Variants in SPECC1 observed in about 807,000 individuals in gnomAD.
SPECC1 encodes cytospin-B.
A neutral mutation model predicts 104.1 loss-of-function variants in SPECC1; 62 were observed. That is an observed-to-expected ratio of 0.60 (90% CI 0.49 to 0.74). The LOEUF is 0.74. SPECC1 is among the 30% of genes least tolerant of loss of function. SPECC1 has a pLI of 0.00. For synonymous variants in SPECC1, 513 were observed against 501.6 expected, an observed-to-expected ratio of 1.02 and a Z score of -0.30; for missense variants, 1,306 against 1,310.5, an observed-to-expected ratio of 1.00 and a Z score of 0.05.
intron 4 of SPECC1, among the ~76,000 whole-genome samples, chr17:20,219,401 CTTGCAT>C (rs1315251920): frequency 6.6e-6 from 1 of 152,062 alleles, no homozygotes; most frequent in East Asian, 1.9e-4. Context: ...GTAGTTTTGA[CTTGCAT>C]TTGCATTTCT....
chr17:20,141,685 C>T (rs1222342510), intron 3 of SPECC1, among the ~76,000 whole-genome samples: 2 of 152,138 alleles, frequency 1.3e-5, no homozygotes, highest in African/African-American at 2.4e-5. Context: ...CAGAAATACC[C>T]CATGCTGCTG....
intron 3 of SPECC1, among the ~76,000 whole-genome samples, chr17:20,202,344 A>C (rs972916178): frequency 2.6e-5 from 4 of 152,030 alleles, no homozygotes; most frequent in African/African-American, 9.7e-5. Flanking sequence ...GAGATTCTTG[A>C]GTATGTTTTG....
At chr17:20,268,081 C>T (rs1279531342) in intron 12 of SPECC1, among the ~76,000 whole-genome samples, 2 of 152,168 alleles carry the variant, frequency 1.3e-5, no homozygotes, top group African/African-American at 2.4e-5. Flanking sequence ...TTTACTGTTA[C>T]TTGAATTCCT....
At chr17:20,083,144 A>C (rs535682323) in intron 1 of SPECC1, among the ~76,000 whole-genome samples, 1 of 152,330 alleles carries the variant, frequency 6.6e-6, no homozygotes, top group African/African-American at 2.4e-5. Context: ...TCATCAAACA[A>C]AATTTCTGAA....
At chr17:20,041,620 C>CTTTTTTTTTTTTT (rs35255510) in intron 1 of SPECC1, among the ~76,000 whole-genome samples, 2 of 51,150 alleles carry the variant, frequency 3.9e-5, no homozygotes, top group Admixed American at 3.5e-4. Flanking sequence ...TTTGTTGAGG[C>CTTTTTTTTTTTTT]TTTTTTTTTT....
At position 20,156,560 on chromosome 17, in the gene SPECC1, C is replaced by T. The variant is rs1336838874; in HGVS notation, c.283+45998C>T. On this transcript the variant is annotated intron_variant, in intron 3 of 14. Transcript: ENST00000395527. The stretch of plus-strand genomic sequence containing the variant: ...AGGTCTCCTGAGCGCGCAGGCCGCC[C>T]TCGGACTTTCCGGGCGTTTGCGGGG... 2.0e-5 allele frequency among the ~76,000 whole-genome samples: 3 copies of T among 152,152 alleles called. No individual in the cohort carries two copies. In the East Asian group the frequency reaches 5.8e-4, roughly 29 times the overall value.
intron 7 of SPECC1, among the ~76,000 whole-genome samples, chr17:20,243,714 AG>A (rs1567978357): frequency 6.6e-6 from 1 of 152,200 alleles, no homozygotes; most frequent in Non-Finnish European, 1.5e-5. Context: ...CTGAAGCCTG[AG>A]GTAATTGATT....
chr17:20,121,790 G>C (rs973057001), intron 3 of SPECC1, among the ~76,000 whole-genome samples: 2 of 152,190 alleles, frequency 1.3e-5, no homozygotes, highest in African/African-American at 4.8e-5. Context: ...CCCCCAGAAG[G>C]CTGTCAAGGA....
intron 3 of SPECC1, among the ~76,000 whole-genome samples, chr17:20,146,045 G>A (rs1170814791): frequency 6.6e-6 from 1 of 152,170 alleles, no homozygotes; most frequent in Non-Finnish European, 1.5e-5. Flanking sequence ...TACATTTCTT[G>A]GAATTGATGA....
chr17:20,030,811 C>A (rs973789121), intron 1 of SPECC1, among the ~76,000 whole-genome samples: 1 of 152,084 alleles, frequency 6.6e-6, no homozygotes, highest in South Asian at 2.1e-4. Context: ...GTCTTTATTT[C>A]ACCTTCATTT....
intron 1 of SPECC1, among the ~76,000 whole-genome samples, chr17:20,058,751 T>C (rs555864051): frequency 1.3e-5 from 2 of 152,228 alleles, no homozygotes; most frequent in Non-Finnish European, 2.9e-5. Flanking sequence ...GGACTGGTTT[T>C]GTGGGAGAAT....
At chr17:20,071,168 A>G (rs1404650333) in intron 1 of SPECC1, among the ~76,000 whole-genome samples, 2 of 152,148 alleles carry the variant, frequency 1.3e-5, no homozygotes, top group Non-Finnish European at 2.9e-5. Flanking sequence ...AGTAGCTGAG[A>G]CTACAAGCTC....
At chr17:20,026,784 C>A (rs2044617226) in intron 1 of SPECC1, among the ~76,000 whole-genome samples, 2 of 152,118 alleles carry the variant, frequency 1.3e-5, no homozygotes, top group African/African-American at 4.8e-5. Flanking sequence ...GACTTCTTTC[C>A]TTTGGATAAA....
At chr17:20,223,108 CT>C (rs1292611301) in intron 4 of SPECC1, among the ~76,000 whole-genome samples, 2 of 152,034 alleles carry the variant, frequency 1.3e-5, no homozygotes, top group Non-Finnish European at 1.5e-5. Context: ...GTTGTTATCC[CT>C]TTGAATAAAC....
intron 13 of SPECC1, among the ~76,000 whole-genome samples, chr17:20,297,432 T>G (rs2041391373): frequency 6.6e-6 from 1 of 152,250 alleles, no homozygotes; most frequent in African/African-American, 2.4e-5. Flanking sequence ...GTTAACACAT[T>G]AAAGACTTCA....
At chr17:20,291,422 T>C (rs1260594894) in intron 12 of SPECC1, among the ~76,000 whole-genome samples, 1 of 152,198 alleles carries the variant, frequency 6.6e-6, no homozygotes, top group Non-Finnish European at 1.5e-5. Context: ...AATATTTCTT[T>C]TTGTTCTGGC....
intron 1 of SPECC1, among the ~76,000 whole-genome samples, chr17:20,054,689 G>C (rs974577286): frequency 5.3e-5 from 8 of 151,770 alleles, no homozygotes; most frequent in African/African-American, 1.7e-4. Flanking sequence ...TTTGGGGGGG[G>C]TGGTGTCTTG....
chr17:20,163,685 C>T (rs745504046), intron 3 of SPECC1, among the ~76,000 whole-genome samples: 6 of 151,940 alleles, frequency 3.9e-5, no homozygotes, highest in Non-Finnish European at 5.9e-5. Flanking sequence ...TGCAGCCTCC[C>T]GAGTAGCTAC....
chr17:20,193,157 A>G (rs2035783356), intron 3 of SPECC1, among the ~76,000 whole-genome samples: 1 of 152,198 alleles, frequency 6.6e-6, no homozygotes, highest in Non-Finnish European at 1.5e-5. Flanking sequence ...GTAAACTGTC[A>G]TGGCGCTGGC....
Sources: gnomAD v4.1 joint callset for allele counts (sites outside exome capture counted in the v4.1 genomes callset) on GRCh38, gnomAD v4.1.1 for gene constraint, MANE v1.5 for transcripts, NCBI Gene and HGNC (gene_info 2026-07-23, HGNC 2026-07-21) for gene names.